PTPRG: variants seen among roughly 807,000 people sequenced by gnomAD.
PTPRG encodes the protein receptor-type tyrosine-protein phosphatase gamma.
PTPRG carries 102 observed loss-of-function variants against 165.3 expected under a neutral mutation model. That is an observed-to-expected ratio of 0.62 (90% CI 0.53 to 0.73). The LOEUF is 0.73. Among genes scored for constraint, PTPRG ranks in the 30% least tolerant of loss-of-function variants. The probability of loss-of-function intolerance (pLI) is 0.00; values close to 1 mark genes in which losing one functional copy is unlikely to be tolerated. For missense variants in PTPRG, 1,866 were observed against 1,861.4 expected (o/e 1.00, Z -0.05); for synonymous variants, 675 against 669.5 (o/e 1.01, Z -0.13).
chr3:62,121,632 T>A (rs1703077086), intron 5 of PTPRG, among the ~76,000 whole-genome samples: 1 of 152,176 alleles, frequency 6.6e-6, no homozygotes, highest in Non-Finnish European at 1.5e-5. Context: ...TATTCCCAGG[T>A]TACTGTCAAT....
At chr3:62,016,061 A>C (rs992213466) in intron 4 of PTPRG, among the ~76,000 whole-genome samples, 3 of 152,178 alleles carry the variant, frequency 2.0e-5, no homozygotes, top group Non-Finnish European at 2.9e-5. Context: ...AGAAGTGATC[A>C]TTAAGCACAT....
chr3:61,725,873 A>G (rs374715673), intron 1 of PTPRG, among the ~76,000 whole-genome samples: 98 of 152,154 alleles, frequency 6.4e-4, no homozygotes, highest in African/African-American at 2.3e-3. Flanking sequence ...CTGGATTCCA[A>G]TTTTAAGTCA....
chr3:62,179,849 C>T (rs192598362), intron 8 of PTPRG, among the ~76,000 whole-genome samples: 217 of 152,296 alleles, frequency 1.4e-3, no homozygotes, highest in African/African-American at 4.7e-3. Flanking sequence ...TTGGTTCAGA[C>T]GCCACATCTG....
intron 1 of PTPRG, among the ~76,000 whole-genome samples, chr3:61,743,967 G>C (rs1341024994): frequency 6.6e-6 from 1 of 152,162 alleles, no homozygotes; most frequent in East Asian, 1.9e-4. Flanking sequence ...AGAAGATATT[G>C]AAAATCAATA....
At chr3:61,887,147 TATATATATATATATATATA>T (rs2038066906) in intron 2 of PTPRG, among the ~76,000 whole-genome samples, 1 of 57,370 alleles carries the variant, frequency 1.7e-5, no homozygotes, top group African/African-American at 3.7e-5. Context: ...TATATATATA[TATATATATATATATATATA>T]TATATTTTTA....
intron 15 of PTPRG, among the ~76,000 whole-genome samples, chr3:62,248,895 T>A: frequency 6.6e-6 from 1 of 152,188 alleles, no homozygotes; most frequent in East Asian, 1.9e-4. Context: ...AATTTGAAGG[T>A]CACTGGCTTC....
chr3:61,923,801 A>T (rs1169906226), intron 2 of PTPRG, among the ~76,000 whole-genome samples: 1 of 148,894 alleles, frequency 6.7e-6, no homozygotes, highest in East Asian at 2.0e-4. Context: ...CTCCCAAAAC[A>T]CTGGGACTAT....
intron 1 of PTPRG, among the ~76,000 whole-genome samples, chr3:61,734,267 G>A (rs1303878353): frequency 1.3e-5 from 2 of 152,112 alleles, no homozygotes; most frequent in African/African-American, 4.8e-5. Flanking sequence ...AAAATCTGCA[G>A]GCTTTTTTCT....
chr3:61,589,723 C>T (rs550241490), intron 1 of PTPRG, among the ~76,000 whole-genome samples: 6 of 151,996 alleles, frequency 3.9e-5, no homozygotes, highest in Admixed American at 6.6e-5. Flanking sequence ...CATGGGGACA[C>T]GTGGCAGCTG....
chr3:62,256,915 T>C (rs552298099), intron 16 of PTPRG, among the ~76,000 whole-genome samples: 59 of 152,296 alleles, frequency 3.9e-4, no homozygotes, highest in African/African-American at 1.2e-3. Context: ...CTGTACCCTA[T>C]TTCTGTCCTA....
intron 11 of PTPRG, among the ~76,000 whole-genome samples, chr3:62,202,407 C>T (rs1020513443): frequency 6.6e-6 from 1 of 152,182 alleles, no homozygotes; most frequent in Non-Finnish European, 1.5e-5. Flanking sequence ...GATGATCATG[C>T]CTGCCTCCAG....
intron 12 of PTPRG, among the ~76,000 whole-genome samples, chr3:62,212,658 C>A (rs576432062): frequency 6.6e-6 from 1 of 152,218 alleles, no homozygotes; most frequent in Non-Finnish European, 1.5e-5. Flanking sequence ...TCTGGTGTGA[C>A]ATTAGGGAGT....
At chr3:61,600,186 A>ATGTGTGTGTGTGTGTGTG (rs1189934671) in intron 1 of PTPRG, among the ~76,000 whole-genome samples, 98 of 116,004 alleles carry the variant, frequency 8.4e-4, no homozygotes, top group Non-Finnish European at 9.7e-4. Context: ...ATATATATAT[A>ATGTGTGTGTGTGTGTGTG]TATATATGTG....
intron 5 of PTPRG, among the ~76,000 whole-genome samples, chr3:62,084,536 T>C (rs1035051439): frequency 1.3e-5 from 2 of 152,346 alleles, no homozygotes; most frequent in Non-Finnish European, 2.9e-5. Flanking sequence ...CTTTATATCA[T>C]GTCGGTGTTA....
At chr3:61,774,517 A>G (rs1244998215) in intron 2 of PTPRG, among the ~76,000 whole-genome samples, 1 of 152,200 alleles carries the variant, frequency 6.6e-6, no homozygotes, top group Admixed American at 6.5e-5. Context: ...CCAGAGTAGC[A>G]CCAGAGGACA....
chr3:61,590,895 A>T (rs1049408209), intron 1 of PTPRG, among the ~76,000 whole-genome samples: 2 of 152,062 alleles, frequency 1.3e-5, no homozygotes, highest in African/African-American at 4.8e-5. Flanking sequence ...AGATCACTCG[A>T]GGTCAGGAGT....
chr3:62,028,293 T>C (rs911399360), intron 4 of PTPRG, among the ~76,000 whole-genome samples: 1 of 152,212 alleles, frequency 6.6e-6, no homozygotes, highest in African/African-American at 2.4e-5. Flanking sequence ...AATATTCTTA[T>C]GTTTCTGGCA....
chr3:61,572,644 A>G (rs1700083601), intron 1 of PTPRG, among the ~76,000 whole-genome samples: 1 of 152,194 alleles, frequency 6.6e-6, no homozygotes, highest in African/African-American at 2.4e-5. Context: ...GGGGGAGACA[A>G]TGGTGACCAA....
intron 4 of PTPRG, among the ~76,000 whole-genome samples, chr3:62,026,425 C>T (rs1161949623): frequency 2.0e-5 from 3 of 152,098 alleles, no homozygotes; most frequent in Non-Finnish European, 4.4e-5. Flanking sequence ...CCATGGGCAC[C>T]TCCCTTCTGA....
Sources: gnomAD v4.1 joint callset for allele counts (sites outside exome capture counted in the v4.1 genomes callset) on GRCh38, gnomAD v4.1.1 for gene constraint, MANE v1.5 for transcripts, NCBI Gene and HGNC (gene_info 2026-07-23, HGNC 2026-07-21) for gene names.